Variants in TAFA1 observed in about 807,000 individuals in gnomAD.
TAFA1 encodes TAFA chemokine like family member 1.
In TAFA1, 4 loss-of-function variants were observed where a neutral mutation model predicts 18.5. The observed-to-expected ratio is 0.22, with a 90% CI of 0.11 to 0.49. The LOEUF (loss-of-function observed/expected upper bound fraction) is 0.49, where lower values mean the gene tolerates loss of function less well. Ranked by LOEUF, TAFA1 falls within the 20% of genes least tolerant of loss-of-function variation. The pLI, the probability that TAFA1 is intolerant of heterozygous loss-of-function variation, is 0.98. For synonymous variants in TAFA1, 56 were observed against 55.2 expected (o/e 1.01, Z -0.06); for missense variants, 147 against 169.0 (o/e 0.87, Z 0.72).
chr3:68,257,329 C>T (rs758162230), intron 2 of TAFA1, among the ~76,000 whole-genome samples: 8 of 152,032 alleles, frequency 5.3e-5, no homozygotes, highest in Non-Finnish European at 7.4e-5. Flanking sequence ...TGACCTTTTC[C>T]TTTGTATAAC....
chr3:68,246,944 G>A (rs560357585), intron 2 of TAFA1: 7 of 152,212 alleles, frequency 4.6e-5, no homozygotes, highest in Admixed American at 4.6e-4. Flanking sequence ...TTAGATTCTT[G>A]GTGCCTCAAT....
chr3:68,505,776 G>A lies in TAFA1; in HGVS notation c.260-32980G>A, dbSNP rs1575932533. On this transcript the variant is annotated intron_variant, in intron 3 of 4. Transcript: ENST00000478136. ...CAGGCAGTTTGCAACATGGTGGTTTGCTTCTTCAAGGCCAGCAAGAAAATC... is the reference window on the plus strand; with the variant it reads ...CAGGCAGTTTGCAACATGGTGGTTTACTTCTTCAAGGCCAGCAAGAAAATC... 3.3e-5 allele frequency among the ~76,000 whole-genome samples: 5 copies of A among 152,222 alleles called. No individual in the cohort carries two copies. In the South Asian group the frequency reaches 1.0e-3, roughly 32 times the overall value.
chr3:68,388,781 T>C (rs983672608), intron 2 of TAFA1, among the ~76,000 whole-genome samples: 1 of 152,198 alleles, frequency 6.6e-6, no homozygotes, highest in African/African-American at 2.4e-5. Context: ...TTTTTTAATG[T>C]AAACTTCAGG....
At chr3:68,418,385 C>T (rs2106800480) in intron 3 of TAFA1, among the ~76,000 whole-genome samples, 2 of 151,420 alleles carry the variant, frequency 1.3e-5, no homozygotes, top group African/African-American at 4.8e-5. Flanking sequence ...CAGGATGAGC[C>T]AGGAAAAGGA....
At chr3:68,347,450 C>T (rs1322350683) in intron 2 of TAFA1, among the ~76,000 whole-genome samples, 1 of 152,186 alleles carries the variant, frequency 6.6e-6, no homozygotes, top group African/African-American at 2.4e-5. Context: ...AGCACCATAA[C>T]ACTTTCTGTA....
chr3:68,118,585 C>A (rs770971511), intron 2 of TAFA1, among the ~76,000 whole-genome samples: 1 of 152,104 alleles, frequency 6.6e-6, no homozygotes, highest in South Asian at 2.1e-4. Flanking sequence ...TCTATACATT[C>A]GACTACTGTA....
At chr3:68,457,372 G>A (rs941570896) in intron 3 of TAFA1, among the ~76,000 whole-genome samples, 2 of 152,122 alleles carry the variant, frequency 1.3e-5, no homozygotes, top group African/African-American at 2.4e-5. Context: ...CTAAATATAT[G>A]TTATGCATTC....
At chr3:68,145,810 A>T (rs78390429) in intron 2 of TAFA1, among the ~76,000 whole-genome samples, 12,096 of 152,292 alleles carry the variant, frequency 0.079, 726 homozygotes, top group African/African-American at 0.17. Context: ...TGAAGTACAC[A>T]AAAAGTATTA....
chr3:68,112,380 G>T (rs1440942036), intron 2 of TAFA1, among the ~76,000 whole-genome samples: 1 of 152,032 alleles, frequency 6.6e-6, no homozygotes, highest in Non-Finnish European at 1.5e-5. Flanking sequence ...CACATTAATG[G>T]AATAAAAGAA....
chr3:68,338,320 A>G (rs1257911777), intron 2 of TAFA1, among the ~76,000 whole-genome samples: 2 of 152,202 alleles, frequency 1.3e-5, no homozygotes. Flanking sequence ...TTCTACAGTC[A>G]GTACTGAATA....
chr3:68,180,092 A>T (rs985908425), intron 2 of TAFA1, among the ~76,000 whole-genome samples: 3 of 150,946 alleles, frequency 2.0e-5, no homozygotes, highest in Middle Eastern at 3.5e-3. Flanking sequence ...CAGTGGCACC[A>T]TCTGGGCTCA....
intron 2 of TAFA1, among the ~76,000 whole-genome samples, chr3:68,019,606 A>G (rs963879684): frequency 5.3e-5 from 8 of 152,208 alleles, no homozygotes; most frequent in African/African-American, 1.9e-4. Context: ...CTGGTAAGTG[A>G]TTTGATCATT....
chr3:68,313,858 C>A (rs1197721726), intron 2 of TAFA1, among the ~76,000 whole-genome samples: 1 of 152,090 alleles, frequency 6.6e-6, no homozygotes, highest in African/African-American at 2.4e-5. Context: ...TCCATAGAAG[C>A]TAGAAGTGGA....
intron 2 of TAFA1, among the ~76,000 whole-genome samples, chr3:68,282,093 TATGA>T (rs1476593240): frequency 6.6e-6 from 1 of 152,164 alleles, no homozygotes; most frequent in Non-Finnish European, 1.5e-5. Flanking sequence ...AAAGGCCCCT[TATGA>T]AACCATCAGA....
chr3:68,102,998 T>A (rs151034070), intron 2 of TAFA1, among the ~76,000 whole-genome samples: 108 of 152,290 alleles, frequency 7.1e-4, no homozygotes, highest in Non-Finnish European at 1.5e-3. Context: ...GTTTCTTTCT[T>A]CCCTGAGTTT....
rs570690096 is a variant in TAFA1 at position 68,091,492 on chromosome 3, G to A, written c.118+84748G>A. Among the ~76,000 whole-genome samples, 8 of 152,194 alleles carry A rather than the reference G, an allele frequency of 5.3e-5. No homozygotes were observed. In the East Asian group the frequency reaches 9.7e-4, roughly 18 times the overall value. On this transcript the variant is annotated intron_variant, in intron 2 of 4. Transcript: ENST00000478136. ...TCCAAGATTCCTCAGTCTGCCAGGTGCTTTGTTTCTTGGCACTGAAAAGTC... is the reference window on the plus strand; with the variant it reads ...TCCAAGATTCCTCAGTCTGCCAGGTACTTTGTTTCTTGGCACTGAAAAGTC...
chr3:68,235,470 G>A (rs901938882), intron 2 of TAFA1, among the ~76,000 whole-genome samples: 10 of 152,132 alleles, frequency 6.6e-5, no homozygotes, highest in Admixed American at 1.3e-4. Flanking sequence ...AGAAATAGGT[G>A]GTATTGTGGG....
chr3:68,469,233 G>C (rs2071948827), intron 3 of TAFA1, among the ~76,000 whole-genome samples: 1 of 151,798 alleles, frequency 6.6e-6, no homozygotes, highest in South Asian at 2.1e-4. Flanking sequence ...TAGTATACTA[G>C]TAGTATAGGT....
At chr3:68,383,451 G>A (rs982539203) in intron 2 of TAFA1, among the ~76,000 whole-genome samples, 2 of 152,070 alleles carry the variant, frequency 1.3e-5, no homozygotes, top group Admixed American at 6.6e-5. Flanking sequence ...TGTGGTTTTT[G>A]TCTTTTGTTT....
Sources: allele counts gnomAD v4.1 joint callset (sites outside exome capture counted in the v4.1 genomes callset), GRCh38; gene constraint gnomAD v4.1.1; transcripts MANE v1.5; gene names NCBI Gene and HGNC (gene_info 2026-07-23, HGNC 2026-07-21).